USP10: variants seen among roughly 807,000 people sequenced by gnomAD.
USP10 encodes the protein ubiquitin carboxyl-terminal hydrolase 10.
Under a neutral mutation model 84.5 loss-of-function variants are expected in USP10, and 22 were observed. The observed-to-expected ratio is 0.26, with a 90% CI of 0.19 to 0.37. The LOEUF (loss-of-function observed/expected upper bound fraction) is 0.37, where lower values mean the gene tolerates loss of function less well. Among genes scored for constraint, USP10 ranks in the 10% least tolerant of loss-of-function variants. USP10 has a pLI of 1.00. For synonymous variants in USP10, 454 were observed against 387.6 expected (o/e 1.17, Z -2.01); for missense variants, 1,019 against 998.9 (o/e 1.02, Z -0.27).
intron 10 of USP10, among the ~76,000 whole-genome samples, chr16:84,764,844 A>T (rs1243300347): frequency 1.3e-5 from 2 of 151,028 alleles, no homozygotes; most frequent in Non-Finnish European, 2.9e-5. Context: ...AAAAAAAAAG[A>T]AAAAGATACA....
chr16:84,701,477 TA>T (rs1002082509), intron 1 of USP10, among the ~76,000 whole-genome samples: 2 of 151,668 alleles, frequency 1.3e-5, no homozygotes, highest in Non-Finnish European at 1.5e-5. Context: ...ACCTTTCTGT[TA>T]AAAAAAAAGA....
intron 8 of USP10, among the ~76,000 whole-genome samples, chr16:84,760,732 T>A (rs1046098318): frequency 6.6e-6 from 1 of 152,178 alleles, no homozygotes; most frequent in Non-Finnish European, 1.5e-5. Context: ...AATTTTTTTT[T>A]AATCACATAC....
intron 10 of USP10, among the ~76,000 whole-genome samples, chr16:84,766,219 G>T (rs1208908658): frequency 6.6e-6 from 1 of 152,248 alleles, no homozygotes; most frequent in Non-Finnish European, 1.5e-5. Flanking sequence ...CCCGTCCTCT[G>T]TGGAAGTGGA....
intron 4 of USP10, among the ~76,000 whole-genome samples, chr16:84,748,577 T>G (rs1454890859): frequency 6.6e-6 from 1 of 152,204 alleles, no homozygotes; most frequent in African/African-American, 2.4e-5. Flanking sequence ...GTGCTGAGAT[T>G]ACAGGCGTGA....
At chr16:84,752,768 A>G (rs1352709683) in intron 4 of USP10, among the ~76,000 whole-genome samples, 1 of 152,178 alleles carries the variant, frequency 6.6e-6, no homozygotes, top group Non-Finnish European at 1.5e-5. Flanking sequence ...AACTTCATAA[A>G]GCGTTAGTGT....
chr16:84,738,628 G>T (rs1022035884), intron 2 of USP10, among the ~76,000 whole-genome samples: 1 of 152,194 alleles, frequency 6.6e-6, no homozygotes. Flanking sequence ...GCTTTCTTCT[G>T]GGTGTCAACG....
chr16:84,776,571 C>T (rs1171666797), intron 13 of USP10, among the ~76,000 whole-genome samples: 1 of 152,140 alleles, frequency 6.6e-6, no homozygotes, highest in Non-Finnish European at 1.5e-5. Flanking sequence ...CTGCCTGGCT[C>T]CTTGGAGTGT....
At chr16:84,766,110 A>T (rs1423262544) in intron 10 of USP10, among the ~76,000 whole-genome samples, 1 of 152,150 alleles carries the variant, frequency 6.6e-6, no homozygotes, top group Non-Finnish European at 1.5e-5. Flanking sequence ...AGGCATCAAG[A>T]CTTGATTCAG....
At chr16:84,750,720 A>G (rs1384309215) in intron 4 of USP10, among the ~76,000 whole-genome samples, 1 of 152,234 alleles carries the variant, frequency 6.6e-6, no homozygotes, top group East Asian at 1.9e-4. Flanking sequence ...AAATTATGCA[A>G]CAGTATATTT....
chr16:84,723,662 G>T (rs955501223), intron 1 of USP10, among the ~76,000 whole-genome samples: 16 of 152,168 alleles, frequency 1.1e-4, no homozygotes, highest in African/African-American at 3.9e-4. Context: ...CAAGTCTACT[G>T]CATTAACTTC....
intron 1 of USP10, 78 bp downstream of exon 1, chr16:84,700,189 C>A: frequency 9.0e-7 from 1 of 1,108,968 alleles, no homozygotes; most frequent in Non-Finnish European, 1.1e-6. Context: ...CGGGCGTCCG[C>A]GCCCTGCCCG....
intron 3 of USP10, among the ~76,000 whole-genome samples, chr16:84,742,201 A>T (rs1910705110): frequency 1.3e-5 from 2 of 152,176 alleles, no homozygotes; most frequent in Admixed American, 1.3e-4. Flanking sequence ...CTTCACCTCA[A>T]GCACTGCCTG....
chr16:84,729,536 G>A (rs1908936675), intron 1 of USP10, among the ~76,000 whole-genome samples: 1 of 152,222 alleles, frequency 6.6e-6, no homozygotes, highest in South Asian at 2.1e-4. Context: ...AGCATATGGG[G>A]AATACTCATT....
chr16:84,715,524 G>A (rs1275228791), intron 1 of USP10, among the ~76,000 whole-genome samples: 1 of 152,240 alleles, frequency 6.6e-6, no homozygotes, highest in East Asian at 1.9e-4. Flanking sequence ...GCATGAGCCA[G>A]TGAGTCCACC....
At chr16:84,705,172 T>G (rs1743076058) in intron 1 of USP10, among the ~76,000 whole-genome samples, 2 of 152,230 alleles carry the variant, frequency 1.3e-5, no homozygotes. Context: ...CCAGTCCATT[T>G]TGAAGTGAGA....
chr16:84,774,137 C>A (rs1437634844), intron 12 of USP10, among the ~76,000 whole-genome samples: 1 of 151,672 alleles, frequency 6.6e-6, no homozygotes, highest in Non-Finnish European at 1.5e-5. Context: ...GTAATCCTAG[C>A]TACTTGGGAG....
intron 3 of USP10, 105 bp from the exon 4 acceptor site, chr16:84,744,528 A>G (rs996814252): frequency 1.9e-6 from 2 of 1,047,766 alleles, no homozygotes; most frequent in Non-Finnish European, 2.7e-6. Flanking sequence ...TTTGTTGATT[A>G]GGAAGAGAAC....
intron 10 of USP10, 54 bp downstream of exon 10, chr16:84,764,317 G>A: frequency 6.2e-7 from 1 of 1,610,050 alleles, no homozygotes; most frequent in Non-Finnish European, 8.5e-7. Context: ...GTTTTGCCAT[G>A]TTGGTGAAGG....
chr16:84,764,902 G>C (rs1913651918), intron 10 of USP10, among the ~76,000 whole-genome samples: 1 of 136,870 alleles, frequency 7.3e-6, no homozygotes, highest in Non-Finnish European at 1.5e-5. Flanking sequence ...TCATAAGATA[G>C]GTCATAAACA....
Sources: allele counts gnomAD v4.1 joint callset (sites outside exome capture counted in the v4.1 genomes callset), GRCh38; gene constraint gnomAD v4.1.1; transcripts MANE v1.5; gene names NCBI Gene and HGNC (gene_info 2026-07-23, HGNC 2026-07-21).